PIK3R4: variants seen among roughly 807,000 people sequenced by gnomAD.
The protein encoded by PIK3R4 is phosphoinositide 3-kinase regulatory subunit 4.
In PIK3R4, 46 loss-of-function variants were observed where a neutral mutation model predicts 136.5. That is an observed-to-expected ratio of 0.34 (90% CI 0.27 to 0.43). PIK3R4 has a LOEUF of 0.43. PIK3R4 is among the 20% of genes least tolerant of loss of function. PIK3R4 has a pLI of 1.00. For missense variants in PIK3R4, 1,331 were observed against 1,649.5 expected (o/e 0.81, Z 3.35); for synonymous variants, 557 against 566.7 (o/e 0.98, Z 0.24).
chr3:130,695,515 A>G (rs2066541170), intron 13 of PIK3R4, among the ~76,000 whole-genome samples: 1 of 152,140 alleles, frequency 6.6e-6, no homozygotes, highest in South Asian at 2.1e-4. Flanking sequence ...CCTCCTGCCC[A>G]GGACTTTAAT....
chr3:130,706,837 G>A lies in PIK3R4; in HGVS notation c.2721+111C>T, dbSNP rs2066608633. ...AGAAAGAAATATGACCTCCCTAAAA[G>A]ACAAGTCACCATATTGATTTTTCCA... is the stretch of plus-strand genomic sequence containing the variant. On this transcript the variant is annotated intron_variant, in intron 11 of 19. Transcript: ENST00000356763. 6 of 699,338 alleles carry A rather than the reference G, an allele frequency of 8.6e-6. No individual in the cohort carries two copies. The East Asian group carries it at 9.4e-5, about 11-fold the overall frequency. 43.3% of individuals were successfully genotyped at this position (699,338 alleles called of 1,614,324 possible).
intron 7 of PIK3R4, 79 bp downstream of exon 7, chr3:130,723,335 A>C: frequency 8.2e-7 from 1 of 1,221,182 alleles, no homozygotes; most frequent in Non-Finnish European, 1.2e-6. Context: ...GGAACAATAA[A>C]GTTGCAATTC....
At chr3:130,701,817 C>A (rs1341425240) in intron 13 of PIK3R4, among the ~76,000 whole-genome samples, 1 of 151,834 alleles carries the variant, frequency 6.6e-6, no homozygotes, top group Non-Finnish European at 1.5e-5. Context: ...ATACTGATGT[C>A]TGTATCTTAT....
chr3:130,733,534 C>A lies in PIK3R4; in HGVS notation c.1450+14G>T. On this transcript the variant is annotated intron_variant, in intron 4 of 19. Transcript: ENST00000356763. ...AATATCTAAGTGGCTAATATTTGGA[C>A]AATAAACTCTTACCAGCATAGGCTA... 2 of 1,553,492 alleles carry A rather than the reference C, an allele frequency of 1.3e-6. No individual in the cohort carries two copies. Among genetic ancestry groups the A allele is most frequent in the Non-Finnish European group, 1.8e-6 (2 of 1,126,872 alleles).
Position 130,690,558 on chromosome 3 carries a change from A to G in PIK3R4, c.3195T>C (p.Ala1065=). The stretch of plus-strand genomic sequence containing the variant: ...AAGCCTCAATTCCAAGAAGCTGGAC[A>G]GCACCATTATCAGATGCTATGGCTA... ...HYLAIASDNG[A]VQLLGIEASK... is the part of the protein sequence containing the mutation. The change falls in exon 14 of 20, where the codon GCT becomes GCC. Residue 1065 remains alanine (A), a synonymous_variant. Transcript: ENST00000356763. The G allele has an allele frequency of 6.2e-7, 1 of 1,613,426 alleles. No individual in the cohort carries two copies.
At position 130,680,708 on chromosome 3, in the gene PIK3R4, C is replaced by T; in HGVS notation, c.3811G>A (p.Ala1271Thr). Residue 1271 changes from alanine (A) to threonine (T), a missense_variant, in exon 19 of 20, where the codon GCT becomes ACT. Around this residue, in one of 2 missense-constraint regions of PIK3R4, gnomAD observed 1,180 missense variants for 1,407.0 expected, o/e 0.84. Coordinates refer to ENST00000356763, the MANE Select transcript of PIK3R4 (RefSeq NM_014602.3). ...ACAACATAGGACCTTTCTGGGTAAG[C>T]CAAGTCCCAAAACCTAGGAAAGAGG... ...SDMKIRFWDL[A>T]YPERSYVVAG... is the part of the protein sequence containing the mutation. 2 of 1,607,040 alleles carry T rather than the reference C, an allele frequency of 1.2e-6. No homozygotes were observed. Among genetic ancestry groups the T allele is most frequent in the Non-Finnish European group, 1.7e-6 (2 of 1,174,296 alleles).
At chr3:130,744,201 T>C (rs2066840573) in intron 2 of PIK3R4, among the ~76,000 whole-genome samples, 1 of 152,208 alleles carries the variant, frequency 6.6e-6, no homozygotes, top group African/African-American at 2.4e-5. Flanking sequence ...ATTATGAAAA[T>C]ATATTATCCA....
intron 13 of PIK3R4, among the ~76,000 whole-genome samples, chr3:130,690,915 T>C (rs2066514629): frequency 7.0e-6 from 1 of 143,094 alleles, no homozygotes; most frequent in African/African-American, 2.8e-5. Flanking sequence ...TTTTTTTTTC[T>C]GAGACAGGGT....
In PIK3R4 at chr3:130,735,944, A is replaced by G; in HGVS notation, c.792T>C (p.Leu264=). ...AAAAATGTCCATTTCTATAAGCCAA[A>G]AGTTGAGAGAGATCAAATAATGGTA... is the stretch of plus-strand genomic sequence containing the variant. ...EGVPLFDLSQ[L]LAYRNGHFFP... Residue 264 remains leucine, a synonymous_variant, in exon 3 of 20, where the codon CTT becomes CTC. Coordinates refer to ENST00000356763, the MANE Select transcript of PIK3R4 (RefSeq NM_014602.3). The G allele has an allele frequency of 6.2e-7, 1 of 1,612,706 alleles. No individual in the cohort carries two copies. The highest frequency in any genetic ancestry group is 8.5e-7 in the Non-Finnish European group (1 of 1,179,324).
rs2066746528 is a variant in PIK3R4, at chr3:130,728,697, A to G, written c.1586-13T>C. On this transcript the variant is annotated splice_polypyrimidine_tract_variant and intron_variant, in intron 5 of 19. Transcript: ENST00000356763. The stretch of plus-strand genomic sequence containing the variant: ...AAGGCTTGGAGCTCTAAAAAAAAAA[A>G]AAAAAGAAAGAAAGAAAGAAAGAAA... 6.7e-7 allele frequency: 1 copy of G among 1,498,162 alleles called. No individual in the cohort carries two copies. The highest frequency in any genetic ancestry group is 1.3e-5 in the South Asian group (1 of 78,964). The allele number at this position is 1,498,162 out of a possible 1,614,324, so 92.8% of individuals were successfully genotyped here.
intron 9 of PIK3R4, among the ~76,000 whole-genome samples, chr3:130,709,519 A>G (rs923896472): frequency 6.6e-6 from 1 of 152,132 alleles, no homozygotes; most frequent in Admixed American, 6.6e-5. Flanking sequence ...TACAATAATA[A>G]TAGACATATT....
intron 13 of PIK3R4, among the ~76,000 whole-genome samples, chr3:130,701,529 G>A (rs1042405083): frequency 4.0e-5 from 6 of 150,818 alleles, no homozygotes; most frequent in African/African-American, 4.9e-5. Flanking sequence ...AAAAGGCTAA[G>A]AATGGTTAGG....
chr3:130,741,074 T>C lies in PIK3R4; in HGVS notation c.733+3412A>G, dbSNP rs556691042. ...CTAAATGGAGGTTTTATTGACTGAA[T>C]TGTGTGTCAAGTGCCCCCTGCCTCC... On this transcript the variant is annotated intron_variant, in intron 2 of 19. Coordinates refer to ENST00000356763, the MANE Select transcript of PIK3R4 (RefSeq NM_014602.3). Among the ~76,000 whole-genome samples, 6 of 152,336 alleles carry C rather than the reference T, an allele frequency of 3.9e-5. No homozygotes were observed. In the South Asian group the frequency reaches 1.2e-3, roughly 32 times the overall value.
intron 9 of PIK3R4, 111 bp from the exon 10 acceptor site, chr3:130,708,603 A>C (rs1008574477): frequency 1.2e-4 from 113 of 933,124 alleles, no homozygotes; most frequent in Non-Finnish European, 1.7e-4. Flanking sequence ...AACTGAAAAG[A>C]GACAGAAGGG....
At chr3:130,680,060 CAAAAAAA>C (rs1163413860) in intron 19 of PIK3R4, among the ~76,000 whole-genome samples, 3 of 65,588 alleles carry the variant, frequency 4.6e-5, no homozygotes, top group African/African-American at 5.1e-5. Context: ...GACTCCATCT[CAAAAAAA>C]AAAAAAAAAA....
At chr3:130,684,819 C>T (rs1425317160) in intron 15 of PIK3R4, among the ~76,000 whole-genome samples, 2 of 152,208 alleles carry the variant, frequency 1.3e-5, no homozygotes, top group Non-Finnish European at 2.9e-5. Flanking sequence ...TAGCTATCAT[C>T]AGATTTCAAT....
At chr3:130,722,239 T>A (rs1435218950) in intron 7 of PIK3R4, among the ~76,000 whole-genome samples, 5 of 152,194 alleles carry the variant, frequency 3.3e-5, no homozygotes, top group Admixed American at 3.3e-4. Context: ...CTCCCCATAG[T>A]TTTCATATCA....
chr3:130,727,030 A>G (rs1002984040), intron 6 of PIK3R4, among the ~76,000 whole-genome samples: 10 of 152,212 alleles, frequency 6.6e-5, no homozygotes, highest in Non-Finnish European at 1.3e-4. Context: ...AAAAACAGGT[A>G]CAGTAATTTC....
intron 4 of PIK3R4, 69 bp downstream of exon 4, chr3:130,733,479 A>C: frequency 1.0e-6 from 1 of 976,772 alleles, no homozygotes; most frequent in Non-Finnish European, 1.6e-6. Flanking sequence ...AATCAGAAAA[A>C]CAAGCAGTAT....
Sources: allele counts gnomAD v4.1 joint callset (sites outside exome capture counted in the v4.1 genomes callset), GRCh38; gene constraint gnomAD v4.1.1; regional missense constraint gnomAD v4.1.1; transcripts MANE v1.5; gene names NCBI Gene and HGNC (gene_info 2026-07-23, HGNC 2026-07-21).